The following CHD7 variants were observed in gnomAD, a reference collection of about 807,000 sequenced individuals.
CHD7 encodes the protein ATP-dependent chromatin remodeler CHD7.
A neutral mutation model predicts 307.3 loss-of-function variants in CHD7; 24 were observed. The ratio of observed to expected loss-of-function variants is 0.08; its 90% CI spans 0.06 to 0.11. The LOEUF (loss-of-function observed/expected upper bound fraction) is 0.11, where lower values mean the gene tolerates loss of function less well. Ranked by LOEUF, CHD7 falls within the 10% of genes least tolerant of loss-of-function variation. The pLI, the probability that CHD7 is intolerant of heterozygous loss-of-function variation, is 1.00. For missense variants in CHD7, 3,106 were observed against 3,727.1 expected (o/e 0.83, Z 4.34); for synonymous variants, 1,363 against 1,349.9 (o/e 1.01, Z -0.21).
intron 2 of CHD7, among the ~76,000 whole-genome samples, chr8:60,773,291 C>CT (rs1262166732): frequency 6.6e-6 from 1 of 152,174 alleles, no homozygotes; most frequent in Non-Finnish European, 1.5e-5. Context: ...TGTTGGCCCT[C>CT]TTTTTTCTCA....
At chr8:60,820,139 A>G in intron 9 of CHD7, 49 bp downstream of exon 9, 2 of 1,219,738 alleles carry the variant, frequency 1.6e-6, no homozygotes, top group Non-Finnish European at 2.4e-6. Flanking sequence ...GGCAACCCAT[A>G]CATGTTTATA....
chr8:60,866,185 T>C lies in CHD7; in HGVS notation c.*252T>C. The stretch of plus-strand genomic sequence containing the variant: ...GTGATCATGTCTTTTTAAGGAAACT[T>C]ACATAATGCTCTGCTTTTTTTTTTT... On this transcript the variant is annotated 3_prime_UTR_variant, in exon 38 of 38. Coordinates refer to ENST00000423902, the MANE Select transcript of CHD7 (RefSeq NM_017780.4). 2.8e-6 allele frequency: 1 copy of C among 352,172 alleles called. No homozygotes were observed. The highest frequency in any genetic ancestry group is 5.1e-6 in the Non-Finnish European group (1 of 194,712). 21.8% of individuals were successfully genotyped at this position (352,172 alleles called of 1,614,324 possible).
chr8:60,793,558 G>A (rs1457827202), intron 3 of CHD7, among the ~76,000 whole-genome samples: 1 of 152,050 alleles, frequency 6.6e-6, no homozygotes, highest in African/African-American at 2.4e-5. Flanking sequence ...CATGACATAT[G>A]CTTTATTCTA....
intron 1 of CHD7, among the ~76,000 whole-genome samples, chr8:60,706,280 G>A (rs1807018564): frequency 6.6e-6 from 1 of 152,116 alleles, no homozygotes; most frequent in Non-Finnish European, 1.5e-5. Flanking sequence ...ATTATGAATT[G>A]CTTAAGTTGA....
chr8:60,823,308 A>T (rs1467141478), intron 12 of CHD7, among the ~76,000 whole-genome samples: 1 of 152,186 alleles, frequency 6.6e-6, no homozygotes, highest in Non-Finnish European at 1.5e-5. Flanking sequence ...AAGGAAGAAT[A>T]ATATGTACTA....
At chr8:60,791,494 C>T (rs1811769338) in intron 3 of CHD7, among the ~76,000 whole-genome samples, 1 of 152,204 alleles carries the variant, frequency 6.6e-6, no homozygotes, top group Admixed American at 6.5e-5. Flanking sequence ...TTCTCATCCC[C>T]CCGACCTAGA....
At chr8:60,714,632 G>C (rs759539488) in intron 1 of CHD7, among the ~76,000 whole-genome samples, 1 of 152,156 alleles carries the variant, frequency 6.6e-6, no homozygotes, top group Non-Finnish European at 1.5e-5. Flanking sequence ...CCCTTTCTTG[G>C]CCTCAGGTGC....
intron 28 of CHD7, 73 bp downstream of exon 28, chr8:60,851,392 GTCCTGCT>G: frequency 1.8e-6 from 2 of 1,138,312 alleles, no homozygotes; most frequent in Non-Finnish European, 1.3e-6. Flanking sequence ...GGTAGGGACT[GTCCTGCT>G]TCATGACAGC....
Position 60,787,634 on chromosome 8 carries a change from C to G in CHD7, c.2096+6204C>G, listed in dbSNP as rs114378551. 7.6e-3 allele frequency among the ~76,000 whole-genome samples: 1,164 copies of G among 152,162 alleles called. 13 individuals are homozygous for G. Among genetic ancestry groups the G allele is most frequent in the African/African-American group, 0.027 (1,104 of 41,516 alleles). Reference sequence around the variant, plus strand: ...TAATTTTTATTTGTAGCCCTGACTTCTATAGGAACAATATAATTTTGTGGG... The same window carrying G: ...TAATTTTTATTTGTAGCCCTGACTTGTATAGGAACAATATAATTTTGTGGG... On this transcript the variant is annotated intron_variant, in intron 3 of 37. Transcript: ENST00000423902.
chr8:60,791,877 A>G (rs1235556793), intron 3 of CHD7, among the ~76,000 whole-genome samples: 3 of 152,176 alleles, frequency 2.0e-5, no homozygotes, highest in African/African-American at 7.2e-5. Flanking sequence ...TGTTGCTTGG[A>G]TGAAGTCATC....
intron 7 of CHD7, among the ~76,000 whole-genome samples, chr8:60,811,835 T>A (rs1037882218): frequency 6.6e-6 from 1 of 152,240 alleles, no homozygotes; most frequent in Non-Finnish European, 1.5e-5. Flanking sequence ...ACAACCTTTC[T>A]AATATAGTGT....
intron 1 of CHD7, among the ~76,000 whole-genome samples, chr8:60,689,348 G>A (rs534121586): frequency 1.1e-4 from 17 of 152,314 alleles, no homozygotes; most frequent in African/African-American, 3.8e-4. Context: ...GTGTCAGTTA[G>A]CATTTTGCTA....
In CHD7 at chr8:60,836,806, A is replaced by G. The variant is rs183634687; in HGVS notation, c.3990-11A>G. 1.2e-6 allele frequency: 2 copies of G among 1,611,904 alleles called. No individual in the cohort carries two copies. The highest frequency in any genetic ancestry group is 1.7e-5 in the Admixed American group (1 of 59,852). On this transcript the variant is annotated splice_polypyrimidine_tract_variant and intron_variant, in intron 16 of 37. Coordinates refer to ENST00000423902, the MANE Select transcript of CHD7 (RefSeq NM_017780.4). ...GCGTCAGGCCTCCTTGTTCACACTG[A>G]TGTTTTCTAGGTACCCATATGAAAG...
At chr8:60,850,709 C>A in intron 26 of CHD7, 87 bp downstream of exon 26, 2 of 1,332,230 alleles carry the variant, frequency 1.5e-6, no homozygotes, top group Non-Finnish European at 2.1e-6. Context: ...GCAGTACACA[C>A]TGTATTGTGT....
intron 1 of CHD7, among the ~76,000 whole-genome samples, chr8:60,735,330 A>G (rs975816006): frequency 3.3e-5 from 5 of 152,202 alleles, no homozygotes; most frequent in African/African-American, 1.2e-4. Context: ...GGTTTTCCTT[A>G]TTAAAAATGT....
chr8:60,824,334 A>G, intron 13 of CHD7: 2 of 387,386 alleles, frequency 5.2e-6, no homozygotes, highest in East Asian at 7.4e-5. Flanking sequence ...CCCAGAATCC[A>G]AAACGTTTTG....
At chr8:60,731,848 C>T (rs1248789993) in intron 1 of CHD7, among the ~76,000 whole-genome samples, 1 of 152,204 alleles carries the variant, frequency 6.6e-6, no homozygotes, top group African/African-American at 2.4e-5. Flanking sequence ...TTGCTTGCTT[C>T]CCTAATGGAA....
intron 1 of CHD7, among the ~76,000 whole-genome samples, chr8:60,692,459 A>G (rs1051198420): frequency 1.3e-5 from 2 of 152,206 alleles, no homozygotes; most frequent in Non-Finnish European, 2.9e-5. Context: ...AGCTACAGTA[A>G]CTATTTTGGG....
rs562150983 is a variant in CHD7, at chr8:60,865,953, A to C, written c.*20A>C. On this transcript the variant is annotated 3_prime_UTR_variant, in exon 38 of 38. Transcript: ENST00000423902. The surrounding 1 kb of genome is among the most constrained non-coding windows in gnomAD (Gnocchi z 4.3). ...GAATAACCAGTACCAGTTCCAGTTC[A>C]AGTGTTTAAAACTTTTGACAAGTGG... The C allele has an allele frequency of 6.4e-7, 1 of 1,572,550 alleles. No homozygotes were observed. Among genetic ancestry groups the C allele is most frequent in the Non-Finnish European group, 8.6e-7 (1 of 1,157,320 alleles).
Sources: gnomAD v4.1 joint callset for allele counts (sites outside exome capture counted in the v4.1 genomes callset) on GRCh38, gnomAD v4.1.1 for gene constraint, Gnocchi (gnomAD v3.1) non-coding constraint, MANE v1.5 for transcripts, NCBI Gene and HGNC (gene_info 2026-07-23, HGNC 2026-07-21) for gene names.